Variants in NEURL1B observed in about 807,000 individuals in gnomAD.
The protein encoded by NEURL1B is neuralized E3 ubiquitin protein ligase 1B.
In NEURL1B, 13 loss-of-function variants were observed where a neutral mutation model predicts 37.4. The ratio of observed to expected loss-of-function variants is 0.35; its 90% CI spans 0.23 to 0.55. The LOEUF (loss-of-function observed/expected upper bound fraction) is 0.55, where lower values mean the gene tolerates loss of function less well. Among genes scored for constraint, NEURL1B ranks in the 20% least tolerant of loss-of-function variants. The probability of loss-of-function intolerance (pLI) is 0.89; values close to 1 mark genes in which losing one functional copy is unlikely to be tolerated. For missense variants in NEURL1B, 790 were observed against 879.2 expected, an observed-to-expected ratio of 0.90 and a Z score of 1.28; for synonymous variants, 432 against 426.6, an observed-to-expected ratio of 1.01 and a Z score of -0.16.
At chr5:172,649,680 C>A (rs79163235) in intron 1 of NEURL1B, among the ~76,000 whole-genome samples, 2,460 of 152,280 alleles carry the variant, frequency 0.016, 68 homozygotes, top group African/African-American at 0.056. Flanking sequence ...TCACATCTTT[C>A]ACTTAGTCCC....
intron 2 of NEURL1B, among the ~76,000 whole-genome samples, chr5:172,681,546 C>G (rs772760432): frequency 1.3e-5 from 2 of 152,212 alleles, no homozygotes; most frequent in African/African-American, 4.8e-5. Context: ...TTGCTGAGAC[C>G]TTGAAGAGGG....
rs116678783 is a variant in NEURL1B at position 172,657,074 on chromosome 5, G to T, written c.32-12711G>T. On this transcript the variant is annotated intron_variant, in intron 1 of 4. Coordinates refer to ENST00000369800, the MANE Select transcript of NEURL1B (RefSeq NM_001142651.3). The surrounding 1 kb of genome is among the most constrained non-coding windows in gnomAD (Gnocchi z 4.0). Reference sequence around the variant, plus strand: ...CCTCACGTCCCCATGATGGATGACTGGTTGGCTAGGGAAGCAATTCTGCAT... The same window carrying T: ...CCTCACGTCCCCATGATGGATGACTTGTTGGCTAGGGAAGCAATTCTGCAT... 5.7e-3 allele frequency among the ~76,000 whole-genome samples: 861 copies of T among 152,336 alleles called. 11 individuals are homozygous for T. Among genetic ancestry groups the T allele is most frequent in the African/African-American group, 0.02 (839 of 41,574 alleles).
At chr5:172,663,691 G>C (rs946960403) in intron 1 of NEURL1B, among the ~76,000 whole-genome samples, 7 of 151,788 alleles carry the variant, frequency 4.6e-5, no homozygotes, top group Non-Finnish European at 8.8e-5. Flanking sequence ...GGTCAGAAGT[G>C]GGGGGCACGG....
At chr5:172,659,044 C>CG (rs1757847422) in intron 1 of NEURL1B, among the ~76,000 whole-genome samples, 1 of 134,056 alleles carries the variant, frequency 7.5e-6, no homozygotes, top group Non-Finnish European at 1.6e-5. Flanking sequence ...GCCCCCCCCC[C>CG]CCCAAAGCTT....
In NEURL1B at chr5:172,689,939, T is replaced by G. The variant is rs1242226459; in HGVS notation, c.*3014T>G. ...GGACTCCAACCCAAGGGCCCTCTCT[T>G]GTTATTCAGGGGTGTCCACAGTTAG... On this transcript the variant is annotated 3_prime_UTR_variant, in exon 5 of 5. Coordinates refer to ENST00000369800, the MANE Select transcript of NEURL1B (RefSeq NM_001142651.3). 1 of 152,238 alleles carries G rather than the reference T, an allele frequency of 6.6e-6. No homozygotes were observed. Among genetic ancestry groups the G allele is most frequent in the Non-Finnish European group, 1.5e-5 (1 of 68,076 alleles). The allele number at this position is 152,238 out of a possible 1,614,324, so 9.4% of individuals were successfully genotyped here. A position where few individuals can be genotyped will look rare whatever the true frequency, so the allele number is the denominator to read the frequency against.
chr5:172,670,470 T>C, intron 2 of NEURL1B, 140 bp downstream of exon 2: 1 of 576,232 alleles, frequency 1.7e-6, no homozygotes, highest in Non-Finnish European at 2.6e-6. Context: ...GCCTTTTAAC[T>C]AATTTATTTC....
Position 172,641,481 on chromosome 5 carries a change from C to T in NEURL1B, c.31+44C>T. On this transcript the variant is annotated intron_variant, in intron 1 of 4. Transcript: ENST00000369800. This position sits in a 1 kb window ranked among gnomAD's most constrained non-coding sequence, Gnocchi z 6.4. The stretch of plus-strand genomic sequence containing the variant: ...CCCGGGAGGCGGGCGCCGGGCTTCT[C>T]TCCTCCGGGGGACCCGCTGGGTGAC... 7.9e-7 allele frequency: 1 copy of T among 1,260,922 alleles called. No homozygotes were observed. Among genetic ancestry groups the T allele is most frequent in the Non-Finnish European group, 1.0e-6 (1 of 1,003,916 alleles). 78.1% of individuals were successfully genotyped at this position (1,260,922 alleles called of 1,614,324 possible). A position where few individuals can be genotyped will look rare whatever the true frequency, so the allele number is the denominator to read the frequency against.
intron 2 of NEURL1B, among the ~76,000 whole-genome samples, chr5:172,678,086 C>T (rs918679852): frequency 1.8e-4 from 28 of 152,100 alleles, no homozygotes; most frequent in Non-Finnish European, 3.7e-4. Context: ...GGCTCCTGGG[C>T]CTTCCCGAGC....
chr5:172,683,305 C>T lies in NEURL1B; in HGVS notation c.578-114C>T, dbSNP rs1758399743. The T allele has an allele frequency of 2.5e-6, 3 of 1,201,152 alleles. No individual in the cohort carries two copies. Among genetic ancestry groups the T allele is most frequent in the Non-Finnish European group, 3.1e-6 (3 of 955,620 alleles). 74.4% of individuals were successfully genotyped at this position (1,201,152 alleles called of 1,614,324 possible). On this transcript the variant is annotated intron_variant, in intron 2 of 4. Transcript: ENST00000369800. The surrounding 1 kb of genome is among the most constrained non-coding windows in gnomAD (Gnocchi z 5.6). ...CGAAGCCGGGGTGGGGTGGGGGCTG[C>T]TCGAGGCCCGGGTCGGTCGTGGAGG...
chr5:172,679,493 G>A (rs1039133739), intron 2 of NEURL1B, among the ~76,000 whole-genome samples: 6 of 152,188 alleles, frequency 3.9e-5, no homozygotes, highest in Non-Finnish European at 7.3e-5. Flanking sequence ...GCCTATAGCC[G>A]ACTGGTTCTC....
chr5:172,650,345 C>T (rs1286613064), intron 1 of NEURL1B, among the ~76,000 whole-genome samples: 1 of 152,140 alleles, frequency 6.6e-6, no homozygotes, highest in Non-Finnish European at 1.5e-5. Flanking sequence ...GGAACTTCAG[C>T]CCTGCAGATA....
At chr5:172,645,752 G>T (rs1757547335) in intron 1 of NEURL1B, among the ~76,000 whole-genome samples, 1 of 152,100 alleles carries the variant, frequency 6.6e-6, no homozygotes, top group Non-Finnish European at 1.5e-5. Flanking sequence ...GCTACCCTCA[G>T]GAGCTGGCCC....
rs1758085022 is a variant in NEURL1B, at chr5:172,669,810, G to C, written c.57G>C (p.Leu19=). Residue 19 remains leucine, a synonymous_variant, in exon 2 of 5, where the codon CTG becomes CTC. Transcript: ENST00000369800. ...LPDPSPPARL[L]ATRPCCGPGP... ...ACCCGAGCCCACCGGCGCGCCTCCT[G>C]GCCACCCGGCCGTGCTGCGGCCCCG... The C allele has an allele frequency of 2.8e-5, 36 of 1,290,010 alleles. No homozygotes were observed. The South Asian group carries it at 7.9e-4, about 28-fold the overall frequency. The allele number at this position is 1,290,010 out of a possible 1,614,324, so 79.9% of individuals were successfully genotyped here.
chr5:172,645,655 C>T (rs1376163228), intron 1 of NEURL1B, among the ~76,000 whole-genome samples: 1 of 152,174 alleles, frequency 6.6e-6, no homozygotes, highest in Non-Finnish European at 1.5e-5. Context: ...TTGGGCTTTA[C>T]CTTGCTTGTC....
intron 1 of NEURL1B, among the ~76,000 whole-genome samples, chr5:172,659,812 T>C (rs1757861621): frequency 6.6e-6 from 1 of 152,158 alleles, no homozygotes; most frequent in Non-Finnish European, 1.5e-5. Context: ...TCTCCAGGCC[T>C]TTGCTGGTGC....
intron 2 of NEURL1B, among the ~76,000 whole-genome samples, chr5:172,673,905 G>T (rs187954183): frequency 6.6e-6 from 1 of 151,860 alleles, no homozygotes. Context: ...TTGGGAGGCC[G>T]AGGCAGGCGG....
At chr5:172,655,721 GTGTT>G (rs1294193240) in intron 1 of NEURL1B, among the ~76,000 whole-genome samples, 2 of 150,656 alleles carry the variant, frequency 1.3e-5, no homozygotes, top group East Asian at 3.9e-4. Flanking sequence ...TTGCTGGCCA[GTGTT>G]TGTTTTTTTT....
chr5:172,641,374 C>G lies in NEURL1B; in HGVS notation c.-33C>G, dbSNP rs1483113092. Reference sequence around the variant, plus strand: ...GTAATTAGCCTCCGCGCGCCCAGAGCGCGCCGCCGCCAACGCCGCGCCCGA... The same window carrying G: ...GTAATTAGCCTCCGCGCGCCCAGAGGGCGCCGCCGCCAACGCCGCGCCCGA... On this transcript the variant is annotated 5_prime_UTR_variant, in exon 1 of 5. Coordinates refer to ENST00000369800, the MANE Select transcript of NEURL1B (RefSeq NM_001142651.3). This position sits in a 1 kb window ranked among gnomAD's most constrained non-coding sequence, Gnocchi z 6.4. 5.8e-6 allele frequency: 8 copies of G among 1,382,210 alleles called. No individual in the cohort carries two copies. In the East Asian group the frequency reaches 2.5e-4, roughly 42 times the overall value. 85.6% of individuals were successfully genotyped at this position (1,382,210 alleles called of 1,614,324 possible). A position where few individuals can be genotyped will look rare whatever the true frequency, so the allele number is the denominator to read the frequency against.
At chr5:172,681,686 G>A (rs1758356426) in intron 2 of NEURL1B, among the ~76,000 whole-genome samples, 2 of 152,226 alleles carry the variant, frequency 1.3e-5, no homozygotes, top group Admixed American at 6.5e-5. Context: ...TATAAATCCA[G>A]TTTAAGTGAA....
Sources: allele counts gnomAD v4.1 joint callset (sites outside exome capture counted in the v4.1 genomes callset), GRCh38; gene constraint gnomAD v4.1.1; non-coding constraint Gnocchi (gnomAD v3.1); transcripts MANE v1.5; gene names NCBI Gene and HGNC (gene_info 2026-07-23, HGNC 2026-07-21).